The following PTPRG variants were observed in gnomAD, a reference collection of about 807,000 sequenced individuals.
PTPRG encodes the protein protein tyrosine phosphatase receptor type G.
A neutral mutation model predicts 165.3 loss-of-function variants in PTPRG; 102 were observed. The ratio of observed to expected loss-of-function variants is 0.62; its 90% CI spans 0.53 to 0.73. The LOEUF is 0.73. Ranked by LOEUF, PTPRG falls within the 30% of genes least tolerant of loss-of-function variation. The probability of loss-of-function intolerance (pLI) is 0.00; values close to 1 mark genes in which losing one functional copy is unlikely to be tolerated. For synonymous variants in PTPRG, 675 were observed against 669.5 expected (o/e 1.01, Z -0.13); for missense variants, 1,866 against 1,861.4 (o/e 1.00, Z -0.05).
chr3:62,214,696 G>A lies in PTPRG; in HGVS notation c.2156-4155G>A, dbSNP rs1425996428. ...TGGTGGTACTTGTCATTTGCTTGAT[G>A]CCAGGCACACTTCTAGGTGCTTACA... On this transcript the variant is annotated intron_variant, in intron 12 of 29. Transcript: ENST00000474889. The surrounding 1 kb of genome is among the most constrained non-coding windows in gnomAD (Gnocchi z 5.2). Among the ~76,000 whole-genome samples, 1 of 152,180 alleles carries A rather than the reference G, an allele frequency of 6.6e-6. No homozygotes were observed. Among genetic ancestry groups the A allele is most frequent in the East Asian group, 1.9e-4 (1 of 5,190 alleles).
At chr3:61,915,140 A>G (rs1458161380) in intron 2 of PTPRG, among the ~76,000 whole-genome samples, 1 of 152,180 alleles carries the variant, frequency 6.6e-6, no homozygotes, top group Admixed American at 6.5e-5. Context: ...GAGGCAGGAG[A>G]ATCGCTTGAA....
intron 7 of PTPRG, among the ~76,000 whole-genome samples, chr3:62,166,427 C>A (rs557195850): frequency 6.6e-6 from 1 of 151,682 alleles, no homozygotes; most frequent in South Asian, 2.1e-4. Flanking sequence ...GCCTCCGCCT[C>A]CCAGGTTCAA....
intron 4 of PTPRG, among the ~76,000 whole-genome samples, chr3:62,046,346 G>A (rs1700292021): frequency 6.6e-6 from 1 of 152,064 alleles, no homozygotes; most frequent in African/African-American, 2.4e-5. Context: ...GATTTCTTCT[G>A]TTTTTCTCCC....
intron 2 of PTPRG, among the ~76,000 whole-genome samples, chr3:61,927,737 T>C (rs904325659): frequency 6.6e-6 from 1 of 152,224 alleles, no homozygotes; most frequent in Non-Finnish European, 1.5e-5. Context: ...ATGTTGCTGC[T>C]TTATAAAATT....
chr3:62,290,431 C>T (rs1229886811), intron 28 of PTPRG, among the ~76,000 whole-genome samples: 1 of 151,982 alleles, frequency 6.6e-6, no homozygotes, highest in Non-Finnish European at 1.5e-5. Flanking sequence ...ATCAGTGTAC[C>T]AGTAAAAAAT....
At position 62,124,260 on chromosome 3, in the gene PTPRG, C is replaced by A. The variant is rs1024712217; in HGVS notation, c.616-8342C>A. ...ATTAACTCCGAAGGGAATTCAGAAGCCTGCAAGGACAGGATGCTGATGTCC... is the reference window on the plus strand; with the variant it reads ...ATTAACTCCGAAGGGAATTCAGAAGACTGCAAGGACAGGATGCTGATGTCC... On this transcript the variant is annotated intron_variant, in intron 5 of 29. Transcript: ENST00000474889. The A allele has an allele frequency of 2.8e-6, 4 of 1,413,810 alleles. No individual in the cohort carries two copies. The African/African-American group carries it at 5.7e-5, about 20-fold the overall frequency. 87.6% of individuals were successfully genotyped at this position (1,413,810 alleles called of 1,614,324 possible).
rs1409918741 is a variant in PTPRG at position 62,195,069 on chromosome 3, C to T, written c.1226C>T (p.Thr409Ile). 6.2e-7 allele frequency: 1 copy of T among 1,614,124 alleles called. No individual in the cohort carries two copies. Among genetic ancestry groups the T allele is most frequent in the Admixed American group, 1.7e-5 (1 of 60,034 alleles). ...TKDSDKDLKATISHVSPDSLY... is the reference protein window; with the variant it reads ...TKDSDKDLKAIISHVSPDSLY... ...TTCCTTCTTTACTTACAGAAAGCCA[C>T]CATTAGCCATGTCTCACCCGATAGC... is the stretch of plus-strand genomic sequence containing the variant. The change falls in exon 10 of 30, where the codon ACC (threonine) becomes ATC (isoleucine). Residue 409 changes from threonine to isoleucine, a missense_variant. Coordinates refer to ENST00000474889, the MANE Select transcript of PTPRG (RefSeq NM_002841.4). The surrounding 1 kb of genome is among the most constrained non-coding windows in gnomAD (Gnocchi z 4.4).
intron 4 of PTPRG, among the ~76,000 whole-genome samples, chr3:62,034,558 T>C (rs1462736559): frequency 6.6e-6 from 1 of 152,226 alleles, no homozygotes; most frequent in Non-Finnish European, 1.5e-5. Context: ...CTCTTCTCTC[T>C]TGTAGTCTTC....
intron 2 of PTPRG, among the ~76,000 whole-genome samples, chr3:61,883,643 C>T (rs2037949068): frequency 6.6e-6 from 1 of 152,008 alleles, no homozygotes; most frequent in African/African-American, 2.4e-5. Flanking sequence ...TATAAAAATA[C>T]ATATCATGAA....
intron 1 of PTPRG, among the ~76,000 whole-genome samples, chr3:61,719,082 TCTC>T (rs913972288): frequency 6.6e-6 from 1 of 152,120 alleles, no homozygotes; most frequent in Non-Finnish European, 1.5e-5. Context: ...GATTTCCACT[TCTC>T]CTCTTGTAAA....
intron 1 of PTPRG, among the ~76,000 whole-genome samples, chr3:61,626,447 T>TACTGGC (rs1382726806): frequency 6.6e-6 from 1 of 152,208 alleles, no homozygotes; most frequent in East Asian, 1.9e-4. Context: ...GCATTTTCCA[T>TACTGGC]ACTGGCAGAA....
intron 9 of PTPRG, among the ~76,000 whole-genome samples, chr3:62,194,605 C>A (rs1196324640): frequency 1.3e-5 from 2 of 152,142 alleles, no homozygotes; most frequent in African/African-American, 2.4e-5. Context: ...ATGATCGAGA[C>A]CAGCCTGGCC....
intron 1 of PTPRG, among the ~76,000 whole-genome samples, chr3:61,604,309 G>A (rs1331554078): frequency 1.3e-5 from 2 of 152,214 alleles, no homozygotes; most frequent in African/African-American, 2.4e-5. Context: ...AGGTGACAGG[G>A]TGAGACTCCG....
At chr3:61,939,816 G>C (rs1333206333) in intron 2 of PTPRG, among the ~76,000 whole-genome samples, 2 of 151,578 alleles carry the variant, frequency 1.3e-5, no homozygotes, top group African/African-American at 4.8e-5. Flanking sequence ...CATGGGCTTT[G>C]CAATGTCCAC....
intron 5 of PTPRG, among the ~76,000 whole-genome samples, chr3:62,078,767 C>T (rs1286725184): frequency 6.6e-6 from 1 of 152,190 alleles, no homozygotes; most frequent in Admixed American, 6.5e-5. Context: ...TCTGTCCTCT[C>T]TTTTAATATG....
chr3:61,994,186 A>G (rs1025525810), intron 3 of PTPRG, among the ~76,000 whole-genome samples: 1 of 152,236 alleles, frequency 6.6e-6, no homozygotes, highest in African/African-American at 2.4e-5. Flanking sequence ...TTTCAAGACA[A>G]TCTTGCTGTT....
At chr3:62,060,485 A>T (rs2057816) in intron 4 of PTPRG, among the ~76,000 whole-genome samples, 67,555 of 151,996 alleles carry the variant, frequency 0.44, 15,847 homozygotes, top group Middle Eastern at 0.54. Flanking sequence ...CCTCATCAGG[A>T]TGCCAGTTAC....
chr3:61,867,391 C>G (rs577400560), intron 2 of PTPRG, among the ~76,000 whole-genome samples: 2 of 152,118 alleles, frequency 1.3e-5, no homozygotes, highest in Non-Finnish European at 2.9e-5. Flanking sequence ...GTGTAAGAGG[C>G]TATGTGTGTG....
chr3:61,658,946 T>C (rs1575570135), intron 1 of PTPRG, among the ~76,000 whole-genome samples: 1 of 152,216 alleles, frequency 6.6e-6, no homozygotes, highest in African/African-American at 2.4e-5. Context: ...ACCAGGAATG[T>C]AGCACTGGTT....
Sources: gnomAD v4.1 joint callset for allele counts (sites outside exome capture counted in the v4.1 genomes callset) on GRCh38, gnomAD v4.1.1 for gene constraint, Gnocchi (gnomAD v3.1) non-coding constraint, MANE v1.5 for transcripts, NCBI Gene and HGNC (gene_info 2026-07-23, HGNC 2026-07-21) for gene names.